The following NTM variants were observed in gnomAD, a reference collection of about 807,000 sequenced individuals.
NTM encodes neurotrimin.
In NTM, 13 loss-of-function variants were observed where a neutral mutation model predicts 42.1. That is an observed-to-expected ratio of 0.31 (90% CI 0.20 to 0.49). The LOEUF (loss-of-function observed/expected upper bound fraction) is 0.49, where lower values mean the gene tolerates loss of function less well. Ranked by LOEUF, NTM falls within the 20% of genes least tolerant of loss-of-function variation. The pLI, the probability that NTM is intolerant of heterozygous loss-of-function variation, is 0.99. For synonymous variants in NTM, 187 were observed against 179.2 expected, an observed-to-expected ratio of 1.04 and a Z score of -0.35; for missense variants, 373 against 452.8, an observed-to-expected ratio of 0.82 and a Z score of 1.60.
chr11:132,103,453 A>T (rs375805948), intron 2 of NTM, among the ~76,000 whole-genome samples: 3 of 152,362 alleles, frequency 2.0e-5, no homozygotes, highest in African/African-American at 7.2e-5. Context: ...TCATGTGAAA[A>T]TGCCTTTTCG....
At chr11:131,974,122 A>G (rs1050437291) in intron 2 of NTM, among the ~76,000 whole-genome samples, 1 of 152,232 alleles carries the variant, frequency 6.6e-6, no homozygotes, top group African/African-American at 2.4e-5. Flanking sequence ...TACATGTAAC[A>G]TACAAAATAT....
At chr11:131,547,586 T>C (rs1333433350) in intron 1 of NTM, among the ~76,000 whole-genome samples, 1 of 152,128 alleles carries the variant, frequency 6.6e-6, no homozygotes, top group Non-Finnish European at 1.5e-5. Context: ...TGATGTAAAG[T>C]GTGTGTCTGG....
intron 1 of NTM, among the ~76,000 whole-genome samples, chr11:131,505,593 G>A (rs2047387403): frequency 6.6e-6 from 1 of 152,142 alleles, no homozygotes; most frequent in Non-Finnish European, 1.5e-5. Context: ...CACACAGCAG[G>A]CAGCTGGCAA....
chr11:132,321,139 G>T (rs924858300), intron 7 of NTM, among the ~76,000 whole-genome samples: 1 of 152,350 alleles, frequency 6.6e-6, no homozygotes, highest in Non-Finnish European at 1.5e-5. Flanking sequence ...CCAAAGGAAT[G>T]CAGCTCCTCA....
intron 4 of NTM, among the ~76,000 whole-genome samples, chr11:132,285,481 G>A (rs2094193662): frequency 6.6e-6 from 1 of 152,090 alleles, no homozygotes; most frequent in African/African-American, 2.4e-5. Context: ...AGATGGCACT[G>A]CTACTCTCAC....
intron 1 of NTM, among the ~76,000 whole-genome samples, chr11:131,497,922 C>T (rs1474093401): frequency 6.6e-6 from 1 of 152,182 alleles, no homozygotes; most frequent in African/African-American, 2.4e-5. Flanking sequence ...GGCTCATACC[C>T]TTGCTCTCTT....
intron 1 of NTM, among the ~76,000 whole-genome samples, chr11:131,464,785 G>C (rs774296320): frequency 6.6e-6 from 1 of 152,170 alleles, no homozygotes; most frequent in African/African-American, 2.4e-5. Context: ...GCGGGTCTGC[G>C]AGGGATCTAG....
intron 1 of NTM, among the ~76,000 whole-genome samples, chr11:131,776,209 C>T (rs1020946289): frequency 2.6e-5 from 4 of 152,224 alleles, no homozygotes; most frequent in African/African-American, 9.6e-5. Flanking sequence ...ATTTGTGGCT[C>T]AAAGGCTTTT....
chr11:132,225,703 T>G (rs1304721228), intron 4 of NTM, among the ~76,000 whole-genome samples: 1 of 152,182 alleles, frequency 6.6e-6, no homozygotes, highest in Non-Finnish European at 1.5e-5. Context: ...TTTTTTACCT[T>G]TTTTATTTAA....
intron 3 of NTM, among the ~76,000 whole-genome samples, chr11:132,172,091 G>A (rs1036442314): frequency 6.6e-6 from 1 of 152,294 alleles, no homozygotes; most frequent in East Asian, 1.9e-4. Context: ...AAGTCAGACT[G>A]CCTTCATTTG....
rs373496321 is a variant in NTM, at chr11:131,677,301, G to T, written c.83-234263G>T. On this transcript the variant is annotated intron_variant, in intron 1 of 8. Coordinates refer to ENST00000683400, the MANE Select transcript of NTM (RefSeq NM_001352005.2). Reference sequence around the variant, plus strand: ...CGTGGAGGTCCACTTCCTCTTCTCTGCAGTGAGGACCTTTCGTGGCAGTGT... The same window carrying T: ...CGTGGAGGTCCACTTCCTCTTCTCTTCAGTGAGGACCTTTCGTGGCAGTGT... Among the ~76,000 whole-genome samples, 18 of 152,310 alleles carry T rather than the reference G, an allele frequency of 1.2e-4. 1 individual carries two copies. In the East Asian group the frequency reaches 3.5e-3, roughly 29 times the overall value.
At position 132,314,977 on chromosome 11, in the gene NTM, A is replaced by C. The variant is rs899412565; in HGVS notation, c.934+274A>C. ...TACATGTATAAAAGTAGATCTCAGA[A>C]GTGGGAAAAGGAAAATGAAAAAGAA... On this transcript the variant is annotated intron_variant, in intron 7 of 8. Transcript: ENST00000683400. 3.4e-5 allele frequency: 40 copies of C among 1,188,324 alleles called. No individual in the cohort carries two copies. The African/African-American group carries it at 6.2e-4, about 18-fold the overall frequency. The allele number at this position is 1,188,324 out of a possible 1,614,324, so 73.6% of individuals were successfully genotyped here. A position where few individuals can be genotyped will look rare whatever the true frequency, so the allele number is the denominator to read the frequency against.
intron 3 of NTM, among the ~76,000 whole-genome samples, chr11:132,193,827 ATTAAAAACAC>A: frequency 6.6e-6 from 1 of 152,282 alleles, no homozygotes; most frequent in South Asian, 2.1e-4. Flanking sequence ...CTCAGAGACT[ATTAAAAACAC>A]TTCTATGCAC....
intron 1 of NTM, among the ~76,000 whole-genome samples, chr11:131,806,057 C>A (rs1051776234): frequency 6.6e-6 from 1 of 152,104 alleles, no homozygotes; most frequent in African/African-American, 2.4e-5. Context: ...AATTTTGTTT[C>A]TTTTCTCTGT....
intron 1 of NTM, chr11:131,660,778 G>A: frequency 4.9e-6 from 5 of 1,027,620 alleles, no homozygotes; most frequent in Non-Finnish European, 6.4e-6. Flanking sequence ...TAGGCTACTT[G>A]CGAACTCCTG....
At chr11:131,729,310 A>C (rs1267020752) in intron 1 of NTM, among the ~76,000 whole-genome samples, 2 of 152,134 alleles carry the variant, frequency 1.3e-5, no homozygotes, top group Non-Finnish European at 2.9e-5. Context: ...GGTACAGTGC[A>C]CTCTGAGTTC....
intron 1 of NTM, among the ~76,000 whole-genome samples, chr11:131,865,628 C>A (rs75480101): frequency 6.6e-6 from 1 of 152,276 alleles, no homozygotes; most frequent in East Asian, 1.9e-4. Context: ...CCCTGCTCAA[C>A]CCTCTTATGC....
chr11:132,120,117 C>T (rs1181528367), intron 2 of NTM, among the ~76,000 whole-genome samples: 4 of 92,306 alleles, frequency 4.3e-5, no homozygotes, highest in African/African-American at 2.0e-4. Flanking sequence ...TACAGCTCGG[C>T]TGATGATTTT....
At chr11:131,883,310 G>A (rs979923376) in intron 1 of NTM, among the ~76,000 whole-genome samples, 12 of 152,122 alleles carry the variant, frequency 7.9e-5, no homozygotes, top group African/African-American at 2.9e-4. Context: ...AGCTGGAGAC[G>A]GGGAACTGGT....
Sources: allele counts gnomAD v4.1 joint callset (sites outside exome capture counted in the v4.1 genomes callset), GRCh38; gene constraint gnomAD v4.1.1; transcripts MANE v1.5; gene names NCBI Gene and HGNC (gene_info 2026-07-23, HGNC 2026-07-21).